The following KCNQ5 variants were observed in gnomAD, a reference collection of about 807,000 sequenced individuals.
The protein encoded by KCNQ5 is potassium voltage-gated channel subfamily KQT member 5.
KCNQ5 carries 30 observed loss-of-function variants against 98.2 expected under a neutral mutation model. That is an observed-to-expected ratio of 0.31 (90% CI 0.23 to 0.41). The LOEUF (loss-of-function observed/expected upper bound fraction) is 0.41, where lower values mean the gene tolerates loss of function less well. Among genes scored for constraint, KCNQ5 ranks in the 10% least tolerant of loss-of-function variants. KCNQ5 has a pLI of 1.00. For synonymous variants in KCNQ5, 458 were observed against 449.4 expected (o/e 1.02, Z -0.24); for missense variants, 835 against 1,182.5 (o/e 0.71, Z 4.31).
intron 1 of KCNQ5, among the ~76,000 whole-genome samples, chr6:72,858,482 A>G (rs1024307857): frequency 6.6e-6 from 1 of 151,648 alleles, no homozygotes. Context: ...ATATTTATAT[A>G]TATTTATATT....
At chr6:72,797,967 A>G (rs957086038) in intron 1 of KCNQ5, among the ~76,000 whole-genome samples, 1 of 152,234 alleles carries the variant, frequency 6.6e-6, no homozygotes, top group East Asian at 1.9e-4. Flanking sequence ...ACTGAGGAAA[A>G]ACAAATAAAT....
At chr6:72,692,538 A>T (rs1165649904) in intron 1 of KCNQ5, among the ~76,000 whole-genome samples, 4 of 152,200 alleles carry the variant, frequency 2.6e-5, no homozygotes, top group Non-Finnish European at 5.9e-5. Context: ...GTTTTTTAAT[A>T]TGAGACTCTG....
intron 1 of KCNQ5, among the ~76,000 whole-genome samples, chr6:72,940,252 T>G (rs748094212): frequency 6.6e-6 from 1 of 152,234 alleles, no homozygotes; most frequent in Non-Finnish European, 1.5e-5. Context: ...TTTGACAATG[T>G]CTACCAAAGG....
chr6:72,870,479 G>A (rs1778158227), intron 1 of KCNQ5, among the ~76,000 whole-genome samples: 1 of 151,950 alleles, frequency 6.6e-6, no homozygotes, highest in Non-Finnish European at 1.5e-5. Flanking sequence ...TCGGACTCCT[G>A]GGATCAAATG....
chr6:72,752,103 G>A (rs1479597829), intron 1 of KCNQ5, among the ~76,000 whole-genome samples: 4 of 152,082 alleles, frequency 2.6e-5, no homozygotes, highest in Non-Finnish European at 4.4e-5. Context: ...CCAGTGAAAA[G>A]TCAAACATTT....
chr6:72,984,081 C>T (rs1413998920), intron 1 of KCNQ5, among the ~76,000 whole-genome samples: 4 of 152,182 alleles, frequency 2.6e-5, no homozygotes, highest in Admixed American at 2.6e-4. Context: ...CCTCTGGAAG[C>T]TTCGTCCCAG....
intron 3 of KCNQ5, among the ~76,000 whole-genome samples, chr6:73,048,392 A>G (rs1226305488): frequency 5.3e-5 from 8 of 152,192 alleles, no homozygotes; most frequent in African/African-American, 2.4e-5. Context: ...CTGGAGCTCA[A>G]TGAGCAGTGG....
At chr6:72,765,965 T>C (rs1226723635) in intron 1 of KCNQ5, among the ~76,000 whole-genome samples, 3 of 152,052 alleles carry the variant, frequency 2.0e-5, no homozygotes, top group Non-Finnish European at 2.9e-5. Context: ...AATGATCTAC[T>C]GTGTGCCAAG....
At chr6:73,108,595 G>A (rs1332239061) in intron 6 of KCNQ5, among the ~76,000 whole-genome samples, 1 of 152,198 alleles carries the variant, frequency 6.6e-6, no homozygotes, top group Non-Finnish European at 1.5e-5. Context: ...GGGAGGCCGA[G>A]GCGGTCGGAT....
intron 3 of KCNQ5, among the ~76,000 whole-genome samples, chr6:73,052,211 G>T (rs1182159970): frequency 6.6e-6 from 1 of 152,078 alleles, no homozygotes; most frequent in Non-Finnish European, 1.5e-5. Flanking sequence ...AAAGAAGAAT[G>T]AACAAAATCT....
chr6:72,998,507 G>A (rs1196099188), intron 1 of KCNQ5, among the ~76,000 whole-genome samples: 1 of 152,070 alleles, frequency 6.6e-6, no homozygotes, highest in Non-Finnish European at 1.5e-5. Flanking sequence ...AGGCCGATGC[G>A]GGCGGATTAT....
At chr6:72,984,490 G>T (rs1317883946) in intron 1 of KCNQ5, among the ~76,000 whole-genome samples, 1 of 152,214 alleles carries the variant, frequency 6.6e-6, no homozygotes, top group Non-Finnish European at 1.5e-5. Flanking sequence ...AGTGAGCAAG[G>T]CTCCATAGGC....
At chr6:72,821,488 G>A (rs1209811594) in intron 1 of KCNQ5, among the ~76,000 whole-genome samples, 1 of 152,040 alleles carries the variant, frequency 6.6e-6, no homozygotes, top group Admixed American at 6.6e-5. Context: ...ATTAGTTCTT[G>A]TTACTATGGA....
chr6:73,000,034 T>C (rs1326508738), intron 1 of KCNQ5, among the ~76,000 whole-genome samples: 1 of 152,100 alleles, frequency 6.6e-6, no homozygotes, highest in Non-Finnish European at 1.5e-5. Flanking sequence ...CCGTGGACTC[T>C]ACATTAGGAT....
chr6:73,001,216 GCATTTTTCT>G (rs540697818), intron 1 of KCNQ5, among the ~76,000 whole-genome samples: 1 of 152,122 alleles, frequency 6.6e-6, no homozygotes, highest in Admixed American at 6.5e-5. Context: ...AGCCTCTGTA[GCATTTTTCT>G]TAGCACTTAT....
At chr6:72,852,871 G>A (rs9342977) in intron 1 of KCNQ5, among the ~76,000 whole-genome samples, 110,448 of 150,808 alleles carry the variant, frequency 0.73, 40,605 homozygotes, top group African/African-American at 0.8. Flanking sequence ...ATGTTCTTGG[G>A]ATTATATATT....
intron 1 of KCNQ5, among the ~76,000 whole-genome samples, chr6:72,669,910 C>CTTT (rs541665177): frequency 2.2e-5 from 3 of 135,008 alleles, no homozygotes; most frequent in Non-Finnish European, 3.2e-5. Flanking sequence ...ACTTTCTTTC[C>CTTT]TTTTTTTTTT....
At chr6:72,713,139 A>G (rs1769455147) in intron 1 of KCNQ5, among the ~76,000 whole-genome samples, 1 of 152,194 alleles carries the variant, frequency 6.6e-6, no homozygotes, top group East Asian at 1.9e-4. Context: ...GCAATTCCTA[A>G]TATCAGGTTA....
chr6:72,964,573 CTT>C (rs960272942), intron 1 of KCNQ5, among the ~76,000 whole-genome samples: 9 of 152,218 alleles, frequency 5.9e-5, no homozygotes, highest in Non-Finnish European at 7.4e-5. Flanking sequence ...AAGATCATCT[CTT>C]ATATAATTTA....
Sources: allele counts gnomAD v4.1 joint callset (sites outside exome capture counted in the v4.1 genomes callset), GRCh38; gene constraint gnomAD v4.1.1; transcripts MANE v1.5; gene names NCBI Gene and HGNC (gene_info 2026-07-23, HGNC 2026-07-21).